The following ZNF83 variants were observed in gnomAD, a reference collection of about 807,000 sequenced individuals.
The protein encoded by ZNF83 is zinc finger protein 816B.
For synonymous variants in ZNF83, 209 were observed against 213.0 expected (o/e 0.98, Z 0.17); for missense variants, 552 against 629.9 (o/e 0.88, Z 1.32).
exon 3 of ZNF83, chr19:52,613,000 A>T: frequency 6.4e-7 from 1 of 1,562,292 alleles, no homozygotes; most frequent in Non-Finnish European, 8.7e-7. Flanking sequence ...ATGCTAACTG[A>T]ACACTCTGCC....
chr19:52,689,584 T>A (rs1018633012), intron 1 of ZNF83, among the ~76,000 whole-genome samples: 6 of 152,226 alleles, frequency 3.9e-5, no homozygotes, highest in African/African-American at 1.2e-4. Flanking sequence ...TCTCTGTACA[T>A]CCAGCTTTTC....
At chr19:52,686,483 A>T (rs1208724987) in intron 1 of ZNF83, among the ~76,000 whole-genome samples, 1 of 123,280 alleles carries the variant, frequency 8.1e-6, no homozygotes, top group South Asian at 2.6e-4. Flanking sequence ...TATATATATA[A>T]ATAAATGAGA....
chr19:52,677,201 T>A, intron 1 of ZNF83, among the ~76,000 whole-genome samples: 2 of 141,406 alleles, frequency 1.4e-5, no homozygotes, highest in Admixed American at 7.3e-5. Context: ...AACAAAACAA[T>A]CAAAATCAGC....
chr19:52,689,024 A>G (rs918933393), intron 1 of ZNF83, among the ~76,000 whole-genome samples: 14 of 149,558 alleles, frequency 9.4e-5, no homozygotes, highest in Admixed American at 5.4e-4. Context: ...AAGCATTATT[A>G]TGTTTTACAA....
chr19:52,657,119 C>T (rs2061516735), intron 2 of ZNF83, among the ~76,000 whole-genome samples: 1 of 150,068 alleles, frequency 6.7e-6, no homozygotes, highest in African/African-American at 2.5e-5. Context: ...CTATCACCCC[C>T]ACCCTCCCAA....
At chr19:52,617,857 C>T (rs1299499761) in intron 2 of ZNF83, 1 of 152,086 alleles carries the variant, frequency 6.6e-6, no homozygotes. Flanking sequence ...AAGTAGGAAA[C>T]ATGACATGTT....
At chr19:52,682,114 G>C (rs1211425672) in intron 1 of ZNF83, among the ~76,000 whole-genome samples, 3 of 152,044 alleles carry the variant, frequency 2.0e-5, no homozygotes, top group Non-Finnish European at 4.4e-5. Context: ...CCAAAGTGCT[G>C]GGATTACGGG....
intron 1 of ZNF83, among the ~76,000 whole-genome samples, chr19:52,663,861 C>T (rs1568571590): frequency 6.6e-6 from 1 of 152,112 alleles, no homozygotes; most frequent in Non-Finnish European, 1.5e-5. Context: ...TCTACCAAAG[C>T]TTATTTGAGA....
chr19:52,649,118 C>T (rs543312297), intron 3 of ZNF83, among the ~76,000 whole-genome samples: 71 of 152,244 alleles, frequency 4.7e-4, no homozygotes, highest in Non-Finnish European at 8.1e-4. Flanking sequence ...CTTCAGCACT[C>T]GAGGCTGACA....
chr19:52,639,537 C>A (rs184601177), upstream of ZNF83, among the ~76,000 whole-genome samples: 208 of 145,814 alleles, frequency 1.4e-3, no homozygotes, highest in African/African-American at 5.1e-3. Context: ...CCTGTCTCAG[C>A]CTCCGGAGTA....
chr19:52,649,173 G>T (rs575078521), intron 3 of ZNF83, among the ~76,000 whole-genome samples: 1 of 152,088 alleles, frequency 6.6e-6, no homozygotes, highest in Admixed American at 6.6e-5. Context: ...CCTGGCTTTC[G>T]CAGCACCCCA....
At chr19:52,639,413 C>CTTTTTTT (rs1206783591), upstream of ZNF83, among the ~76,000 whole-genome samples, 2,419 of 52,468 alleles carry the variant, frequency 0.046, 65 homozygotes, top group African/African-American at 0.053. Flanking sequence ...TTAGTTTTTT[C>CTTTTTTT]TATTTTTTTT....
intron 1 of ZNF83, among the ~76,000 whole-genome samples, chr19:52,684,700 C>G (rs1164409215): frequency 2.0e-5 from 3 of 151,948 alleles, no homozygotes; most frequent in Non-Finnish European, 4.4e-5. Context: ...GAGCCTAGAA[C>G]TGAAGGAGGA....
intron 1 of ZNF83, among the ~76,000 whole-genome samples, chr19:52,662,318 G>C (rs1238401951): frequency 6.6e-6 from 1 of 152,180 alleles, no homozygotes; most frequent in African/African-American, 2.4e-5. Flanking sequence ...AGGGGTTTAG[G>C]AAGTCACCTA....
chr19:52,613,846 T>C lies in ZNF83; in HGVS notation c.719A>G (p.Lys240Arg), dbSNP rs756396679. 4.3e-6 allele frequency: 7 copies of C among 1,614,062 alleles called. No homozygotes were observed. The South Asian group carries it at 4.4e-5, about 10-fold the overall frequency. Reference sequence around the variant, plus strand: ...AAGGTAGGAATTGCGACTGAACACCTTGCCACATTTGTTACATTCGTAAGG... The same window carrying C: ...AAGGTAGGAATTGCGACTGAACACCCTGCCACATTTGTTACATTCGTAAGG... The change falls in exon 3 of 3, where the codon AAG becomes AGG. Residue 240 changes from lysine (K) to arginine (R), a missense_variant. Coordinates refer to ENST00000301096, the Ensembl canonical transcript of ZNF83.
At position 52,688,827 on chromosome 19, in the gene ZNF83, A is replaced by G. The variant is rs184756558; in HGVS notation, c.-283+1616T>C. Among the ~76,000 whole-genome samples, 3 of 152,306 alleles carry G rather than the reference A, an allele frequency of 2.0e-5. No homozygotes were observed. In the East Asian group the frequency reaches 5.8e-4, roughly 29 times the overall value. On this transcript the variant is annotated intron_variant, in intron 1 of 5. Transcript: ENST00000594682. ...GGCAAGGTTTAAAAATAAAAAGAAA[A>G]GAACAAGTTTTCCTCTGCCTGTCAA...
chr19:52,688,329 C>A (rs1207267809), intron 1 of ZNF83, among the ~76,000 whole-genome samples: 1 of 150,558 alleles, frequency 6.6e-6, no homozygotes, highest in Non-Finnish European at 1.5e-5. Flanking sequence ...CACCATCATA[C>A]CCGATTAATT....
intron 1 of ZNF83, among the ~76,000 whole-genome samples, chr19:52,679,548 T>C (rs1256981044): frequency 6.6e-6 from 1 of 151,802 alleles, no homozygotes; most frequent in Non-Finnish European, 1.5e-5. Flanking sequence ...AAGGTGGAGG[T>C]TGCAATGAGC....
Position 52,614,807 on chromosome 19 carries a change from A to G in ZNF83, c.-233-10T>C, listed in dbSNP as rs369927051. ...CATTTAGAAAAAATACCTACAAGAT[A>G]TAAGGATCCCACAGTTTCCAATTAA... On this transcript the variant is annotated splice_polypyrimidine_tract_variant and intron_variant, in intron 2 of 2. Transcript: ENST00000301096. The G allele has an allele frequency of 1.6e-6, 2 of 1,275,610 alleles. No individual in the cohort carries two copies. Among genetic ancestry groups the G allele is most frequent in the Non-Finnish European group, 2.0e-6 (2 of 1,003,704 alleles). The allele number at this position is 1,275,610 out of a possible 1,614,324, so 79.0% of individuals were successfully genotyped here.
Sources: allele counts gnomAD v4.1 joint callset (sites outside exome capture counted in the v4.1 genomes callset), GRCh38; gene constraint gnomAD v4.1.1; transcripts MANE v1.5; gene names NCBI Gene and HGNC (gene_info 2026-07-23, HGNC 2026-07-21).